Variants in ST8SIA6 observed in about 807,000 individuals in gnomAD.
ST8SIA6 encodes ST8 alpha-N-acetyl-neuraminide alpha-2,8-sialyltransferase 6.
ST8SIA6 carries 39 observed loss-of-function variants against 33.6 expected under a neutral mutation model. The ratio of observed to expected loss-of-function variants is 1.16; its 90% CI spans 0.90 to 1.52. The LOEUF is 1.52. ST8SIA6 is among the 40% of genes most tolerant of loss of function. The probability of loss-of-function intolerance (pLI) is 0.00; values close to 1 mark genes in which losing one functional copy is unlikely to be tolerated. For missense variants in ST8SIA6, 441 were observed against 443.8 expected, an observed-to-expected ratio of 0.99 and a Z score of 0.06; for synonymous variants, 172 against 167.2, an observed-to-expected ratio of 1.03 and a Z score of -0.22.
At chr10:17,417,449 A>T (rs1226374988) in intron 2 of ST8SIA6, among the ~76,000 whole-genome samples, 1 of 152,072 alleles carries the variant, frequency 6.6e-6, no homozygotes, top group Non-Finnish European at 1.5e-5. Context: ...TTCAGGTCTT[A>T]ACTCGAATGT....
At position 17,316,573 on chromosome 10, in the gene ST8SIA6, A is replaced by G. The variant is rs528934046; in HGVS notation, c.*4305T>C. ...GACAGACATATGATGAATTTTACTA[A>G]CTCAGTACTCCTAGGTTGCTTTCCA... On this transcript the variant is annotated 3_prime_UTR_variant, in exon 8 of 8. Coordinates refer to ENST00000377602, the MANE Select transcript of ST8SIA6 (RefSeq NM_001004470.3). 1.9e-3 allele frequency among the ~76,000 whole-genome samples: 293 copies of G among 152,144 alleles called. 1 individual carries two copies. Among genetic ancestry groups the G allele is most frequent in the African/African-American group, 6.8e-3 (281 of 41,542 alleles).
chr10:17,374,071 CCACACACACACACACACACACACA>C (rs58234998), intron 3 of ST8SIA6, among the ~76,000 whole-genome samples: 2 of 139,016 alleles, frequency 1.4e-5, no homozygotes, highest in African/African-American at 5.3e-5. Context: ...TCAACAACCA[CCACACACACACACACACACACACA>C]CACACACACA....
At chr10:17,401,179 A>G (rs1851025144) in intron 2 of ST8SIA6, among the ~76,000 whole-genome samples, 1 of 152,210 alleles carries the variant, frequency 6.6e-6, no homozygotes, top group East Asian at 1.9e-4. Context: ...TCCCATTCAC[A>G]ATTGCTTCAA....
rs550225728 is a variant in ST8SIA6 at position 17,453,428 on chromosome 10, C to T, written c.200+131G>A. 1,464 of 616,408 alleles carry T rather than the reference C, an allele frequency of 2.4e-3. 4 individuals are homozygous for T. Among genetic ancestry groups the T allele is most frequent in the Middle Eastern group, 4.9e-3 (10 of 2,036 alleles). The allele number at this position is 616,408 out of a possible 1,614,324, so 38.2% of individuals were successfully genotyped here. A position where few individuals can be genotyped will look rare whatever the true frequency, so the allele number is the denominator to read the frequency against. ...CAACCCCGCGCCCTCTTCAAACACA[C>T]GCACACTCTTACACTCACTCGCGCC... On this transcript the variant is annotated intron_variant, in intron 2 of 7. Transcript: ENST00000377602.
At chr10:17,330,381 C>T (rs1376969474) in intron 5 of ST8SIA6, among the ~76,000 whole-genome samples, 1 of 152,162 alleles carries the variant, frequency 6.6e-6, no homozygotes, top group Non-Finnish European at 1.5e-5. Context: ...GATAAATACT[C>T]TTTCCTTATC....
chr10:17,371,339 T>C (rs1030980979), intron 3 of ST8SIA6, among the ~76,000 whole-genome samples: 1 of 152,096 alleles, frequency 6.6e-6, no homozygotes, highest in African/African-American at 2.4e-5. Flanking sequence ...AGGTGGGAGA[T>C]AGAAATTTGA....
intron 4 of ST8SIA6, among the ~76,000 whole-genome samples, chr10:17,355,698 A>G (rs888227013): frequency 6.6e-6 from 1 of 152,214 alleles, no homozygotes; most frequent in Non-Finnish European, 1.5e-5. Context: ...CAGTAAATTC[A>G]ATTTGTAATT....
At chr10:17,406,000 A>G (rs2131686371) in intron 2 of ST8SIA6, among the ~76,000 whole-genome samples, 1 of 152,296 alleles carries the variant, frequency 6.6e-6, no homozygotes, top group East Asian at 1.9e-4. Context: ...TCTGTATGAG[A>G]CAATGCATAA....
intron 4 of ST8SIA6, among the ~76,000 whole-genome samples, chr10:17,332,543 C>A (rs541475780): frequency 6.6e-5 from 10 of 152,322 alleles, no homozygotes; most frequent in Admixed American, 1.3e-4. Context: ...TGGGTCACTG[C>A]AACCTCTGCC....
chr10:17,361,905 A>T (rs1021552917), intron 3 of ST8SIA6, among the ~76,000 whole-genome samples: 2 of 152,130 alleles, frequency 1.3e-5, no homozygotes, highest in African/African-American at 4.8e-5. Context: ...ACATAATTTT[A>T]AAAAGCACAA....
At chr10:17,349,144 C>T (rs1848950104) in intron 4 of ST8SIA6, among the ~76,000 whole-genome samples, 1 of 152,132 alleles carries the variant, frequency 6.6e-6, no homozygotes, top group Admixed American at 6.5e-5. Context: ...CTTGGTGTGA[C>T]CTACTTTCCA....
At position 17,317,584 on chromosome 10, in the gene ST8SIA6, C is replaced by T. The variant is rs1847816706; in HGVS notation, c.*3294G>A. Among the ~76,000 whole-genome samples the T allele has an allele frequency of 6.6e-6, 1 of 152,158 alleles. No individual in the cohort carries two copies. The highest frequency in any genetic ancestry group is 2.4e-5 in the African/African-American group (1 of 41,440). On this transcript the variant is annotated 3_prime_UTR_variant, in exon 8 of 8. Transcript: ENST00000377602. ...TATTATATATCACATCTTAACTATACTTCTGCAGTAGCTGTTTAGGATGTT... is the reference window on the plus strand; with the variant it reads ...TATTATATATCACATCTTAACTATATTTCTGCAGTAGCTGTTTAGGATGTT...
chr10:17,371,554 G>A (rs1418190021), intron 3 of ST8SIA6, among the ~76,000 whole-genome samples: 1 of 151,942 alleles, frequency 6.6e-6, no homozygotes, highest in Non-Finnish European at 1.5e-5. Flanking sequence ...GAAGGGAGAG[G>A]TGGGAGGATG....
chr10:17,318,623 T>C lies in ST8SIA6; in HGVS notation c.*2255A>G, dbSNP rs1847846697. 1 of 464,552 alleles carries C rather than the reference T, an allele frequency of 2.2e-6. No individual in the cohort carries two copies. The highest frequency in any genetic ancestry group is 2.4e-5 in the Admixed American group (1 of 40,888). The allele number at this position is 464,552 out of a possible 1,614,324, so 28.8% of individuals were successfully genotyped here. A position where few individuals can be genotyped will look rare whatever the true frequency, so the allele number is the denominator to read the frequency against. ...AGATCACATTAGATCTAACAATATT[T>C]AAGCAATGCTGATTACATACAGATT... is the stretch of plus-strand genomic sequence containing the variant. On this transcript the variant is annotated 3_prime_UTR_variant, in exon 8 of 8. Coordinates refer to ENST00000377602, the MANE Select transcript of ST8SIA6 (RefSeq NM_001004470.3).
intron 2 of ST8SIA6, among the ~76,000 whole-genome samples, chr10:17,412,914 T>C (rs918375337): frequency 1.3e-5 from 2 of 152,218 alleles, no homozygotes; most frequent in African/African-American, 4.8e-5. Context: ...ATTTACAAAT[T>C]ATACAAATGT....
At chr10:17,408,829 C>T (rs66962604) in intron 2 of ST8SIA6, among the ~76,000 whole-genome samples, 35,682 of 151,712 alleles carry the variant, frequency 0.24, 5,138 homozygotes, top group East Asian at 0.6. Flanking sequence ...AATGTTGGCT[C>T]ACCACAACCT....
At chr10:17,374,997 T>G (rs554226723) in intron 3 of ST8SIA6, among the ~76,000 whole-genome samples, 132 of 151,830 alleles carry the variant, frequency 8.7e-4, no homozygotes, top group Non-Finnish European at 1.6e-3. Context: ...AGTGCAGGGT[T>G]GTGATCATAG....
chr10:17,410,874 C>T (rs1217132805), intron 2 of ST8SIA6, among the ~76,000 whole-genome samples: 1 of 152,100 alleles, frequency 6.6e-6, no homozygotes, highest in Non-Finnish European at 1.5e-5. Context: ...TGATGTTACT[C>T]AAGTGTTCTC....
intron 2 of ST8SIA6, among the ~76,000 whole-genome samples, chr10:17,442,224 A>G (rs1292692456): frequency 6.6e-6 from 1 of 152,228 alleles, no homozygotes; most frequent in East Asian, 1.9e-4. Context: ...ACTCTTAAGG[A>G]AAATGGAAGA....
Sources: allele counts gnomAD v4.1 joint callset (sites outside exome capture counted in the v4.1 genomes callset), GRCh38; gene constraint gnomAD v4.1.1; transcripts MANE v1.5; gene names NCBI Gene and HGNC (gene_info 2026-07-23, HGNC 2026-07-21).